Variants in CCDC73 observed in about 807,000 individuals in gnomAD.
The protein encoded by CCDC73 is coiled-coil domain-containing protein 73.
In CCDC73, 95 loss-of-function variants were observed where a neutral mutation model predicts 116.5. The observed-to-expected ratio is 0.82, with a 90% CI of 0.69 to 0.97. The LOEUF is 0.97. Ranked by LOEUF, CCDC73 falls within the 50% of genes least tolerant of loss-of-function variation. The pLI is 0.00. For synonymous variants in CCDC73, 398 were observed against 401.3 expected, an observed-to-expected ratio of 0.99 and a Z score of 0.10; for missense variants, 1,066 against 1,206.8, an observed-to-expected ratio of 0.88 and a Z score of 1.73.
intron 1 of CCDC73, among the ~76,000 whole-genome samples, chr11:32,764,764 T>C (rs1850424954): frequency 6.6e-6 from 1 of 152,068 alleles, no homozygotes; most frequent in African/African-American, 2.4e-5. Flanking sequence ...CACATAACAA[T>C]ATTAACCTTA....
At chr11:32,733,139 C>A (rs1199680521) in intron 2 of CCDC73, among the ~76,000 whole-genome samples, 1 of 152,086 alleles carries the variant, frequency 6.6e-6, no homozygotes, top group Non-Finnish European at 1.5e-5. Context: ...ATAAAACAGA[C>A]TTTAAACCAA....
intron 9 of CCDC73, among the ~76,000 whole-genome samples, chr11:32,657,454 G>T (rs376648802): frequency 6.6e-6 from 1 of 152,184 alleles, no homozygotes; most frequent in Non-Finnish European, 1.5e-5. Flanking sequence ...TTGAATGAAG[G>T]GGGTAGACCT....
At chr11:32,807,878 C>T in the CCDC73 span, among the ~76,000 whole-genome samples, 3 of 152,048 alleles carry the variant, frequency 2.0e-5, no homozygotes, top group Non-Finnish European at 2.9e-5. Context: ...CCACCCTGAC[C>T]GAGCATAATC....
intron 9 of CCDC73, among the ~76,000 whole-genome samples, chr11:32,670,591 C>T (rs928855042): frequency 4.6e-5 from 7 of 151,816 alleles, no homozygotes; most frequent in Admixed American, 3.9e-4. Context: ...ACTCCTAAAA[C>T]GCAATGTCCT....
chr11:32,686,181 G>A (rs1366775988), intron 6 of CCDC73, among the ~76,000 whole-genome samples: 1 of 130,590 alleles, frequency 7.7e-6, no homozygotes, highest in Non-Finnish European at 1.6e-5. Context: ...AGAAGTGGTT[G>A]GATGCTAGAT....
rs1856077175 is a variant in CCDC73, at chr11:32,675,420, A to C, written c.645+145T>G. ...AAATGCACTAATTACCTTTACTGGA[A>C]TCATAACTCAAAATTTATGCATCTG... is the stretch of plus-strand genomic sequence containing the variant. On this transcript the variant is annotated intron_variant, in intron 9 of 17. Transcript: ENST00000335185. 3 of 539,268 alleles carry C rather than the reference A, an allele frequency of 5.6e-6. No individual in the cohort carries two copies. The South Asian group carries it at 7.3e-5, about 13-fold the overall frequency. The allele number at this position is 539,268 out of a possible 1,614,324, so 33.4% of individuals were successfully genotyped here.
chr11:32,726,523 G>A (rs1850031175), intron 2 of CCDC73, among the ~76,000 whole-genome samples: 1 of 152,016 alleles, frequency 6.6e-6, no homozygotes, highest in African/African-American at 2.4e-5. Context: ...AAAAAGTATG[G>A]AAAACATAGA....
chr11:32,744,747 C>T (rs989958083), intron 2 of CCDC73, among the ~76,000 whole-genome samples: 3 of 151,950 alleles, frequency 2.0e-5, no homozygotes, highest in Non-Finnish European at 4.4e-5. Context: ...TGGGATCAGT[C>T]GTCATATCCC....
At chr11:32,633,336 G>C (rs1855649027) in intron 14 of CCDC73, among the ~76,000 whole-genome samples, 1 of 152,142 alleles carries the variant, frequency 6.6e-6, no homozygotes, top group Admixed American at 6.5e-5. Flanking sequence ...TTTGATCCTA[G>C]AGGACTATAA....
the CCDC73 span, among the ~76,000 whole-genome samples, chr11:32,815,894 A>C: frequency 2.6e-5 from 4 of 152,148 alleles, no homozygotes; most frequent in Non-Finnish European, 5.9e-5. Context: ...TATACACGCT[A>C]TCCTTTCTGC....
At position 32,615,964 on chromosome 11, in the gene CCDC73, A is replaced by C. The variant is rs900773621; in HGVS notation, c.1351T>G (p.Phe451Val). ...CCATCTATAATTATTTCCTCTATAA[A>C]TGAGCCTTCTTTTTTTTCTTCTTTT... ...REKEEKKEGS[F>V]IEEIIIDDLQ... The change falls in exon 15 of 18, where the codon TTT becomes GTT. Residue 451 changes from phenylalanine (F) to valine (V), a missense_variant. By Grantham distance (50) the Phe-to-Val change is conservative. Transcript: ENST00000335185. 6.3e-6 allele frequency: 10 copies of C among 1,576,644 alleles called. No homozygotes were observed. The African/African-American group carries it at 1.2e-4, about 19-fold the overall frequency.
At chr11:32,613,191 G>A (rs1419339321) in intron 16 of CCDC73, among the ~76,000 whole-genome samples, 3 of 152,104 alleles carry the variant, frequency 2.0e-5, no homozygotes, top group Non-Finnish European at 2.9e-5. Context: ...AGTTTTTAAG[G>A]ATGAATGAAG....
chr11:32,703,843 T>C (rs1427285202), intron 3 of CCDC73, among the ~76,000 whole-genome samples: 1 of 152,248 alleles, frequency 6.6e-6, no homozygotes, highest in Non-Finnish European at 1.5e-5. Context: ...TTTAACATTC[T>C]TCTTCTATTT....
At chr11:32,801,638 C>G in the CCDC73 span, among the ~76,000 whole-genome samples, 1,542 of 98,500 alleles carry the variant, frequency 0.016, 26 homozygotes, top group African/African-American at 0.05. Flanking sequence ...GAGACTCCAT[C>G]TCAAAAAAAA....
chr11:32,693,807 C>G (rs1411361485), intron 6 of CCDC73, among the ~76,000 whole-genome samples: 2 of 152,190 alleles, frequency 1.3e-5, no homozygotes, highest in Non-Finnish European at 2.9e-5. Flanking sequence ...GAACCAATGA[C>G]AAAAACCACA....
intron 7 of CCDC73, among the ~76,000 whole-genome samples, chr11:32,678,655 G>A (rs1856113966): frequency 6.6e-6 from 1 of 151,994 alleles, no homozygotes; most frequent in East Asian, 1.9e-4. Context: ...GGAGGCCAAG[G>A]TGGACGGATC....
At chr11:32,629,242 T>C (rs574350934) in intron 14 of CCDC73, among the ~76,000 whole-genome samples, 1 of 151,874 alleles carries the variant, frequency 6.6e-6, no homozygotes, top group East Asian at 1.9e-4. Flanking sequence ...GAAAAAAAAA[T>C]TGAAGAAATG....
At position 32,614,444 on chromosome 11, in the gene CCDC73, G is replaced by A. The variant is rs762414269; in HGVS notation, c.1874C>T (p.Thr625Ile). The change falls in exon 16 of 18, where the codon ACC becomes ATC. Residue 625 changes from threonine (T) to isoleucine (I), a missense_variant. Transcript: ENST00000335185. ...LEKEITNSDQTKADLDSSLDI... is the reference protein window; with the variant it reads ...LEKEITNSDQIKADLDSSLDI... The stretch of plus-strand genomic sequence containing the variant: ...TAGAGACGAGTCCAAATCTGCTTTG[G>A]TTTGGTCACTATTTGTAATTTCCTT... 6.2e-7 allele frequency: 1 copy of A among 1,613,428 alleles called. No homozygotes were observed.
chr11:32,671,928 C>T (rs1347955667), intron 9 of CCDC73, among the ~76,000 whole-genome samples: 1 of 152,192 alleles, frequency 6.6e-6, no homozygotes, highest in East Asian at 1.9e-4. Context: ...TCATGAGCAA[C>T]ACCATTCTTC....
Sources: allele counts gnomAD v4.1 joint callset (sites outside exome capture counted in the v4.1 genomes callset), GRCh38; gene constraint gnomAD v4.1.1; transcripts MANE v1.5; gene names NCBI Gene and HGNC (gene_info 2026-07-23, HGNC 2026-07-21).